RELCH: variants seen among roughly 807,000 people sequenced by gnomAD.
The protein encoded by RELCH is RAB11 binding and LisH domain, coiled-coil and HEAT repeat containing.
In RELCH, 41 loss-of-function variants were observed where a neutral mutation model predicts 150.3. The ratio of observed to expected loss-of-function variants is 0.27; its 90% CI spans 0.21 to 0.35. The LOEUF is 0.35. Among genes scored for constraint, RELCH ranks in the 10% least tolerant of loss-of-function variants. RELCH has a pLI of 1.00. For synonymous variants in RELCH, 478 were observed against 531.8 expected, an observed-to-expected ratio of 0.90 and a Z score of 1.39; for missense variants, 1,092 against 1,467.8, an observed-to-expected ratio of 0.74 and a Z score of 4.18.
chr18:62,298,853 C>T lies in RELCH; in HGVS notation c.3523C>T (p.Pro1175Ser). 6.4e-7 allele frequency: 1 copy of T among 1,562,912 alleles called. No homozygotes were observed. Residue 1175 changes from proline (P) to serine (S), a missense_variant, in exon 28 of 29, where the codon CCT (proline) becomes TCT (serine). Transcript: ENST00000644646. ...QKVENKTVQE[P>S]QGSMSIAASL... ...AGTTGAAAACAAGACCGTCCAAGAG[C>T]CTCAAGGGTAAGACATTAATTCTTT...
At chr18:62,203,176 A>G (rs1310354194) in intron 1 of RELCH, among the ~76,000 whole-genome samples, 1 of 152,152 alleles carries the variant, frequency 6.6e-6, no homozygotes. Context: ...GAAAGAATGT[A>G]GCTGGACATG....
At chr18:62,199,257 G>T (rs1020161977) in intron 1 of RELCH, among the ~76,000 whole-genome samples, 4 of 151,428 alleles carry the variant, frequency 2.6e-5, no homozygotes, top group African/African-American at 9.7e-5. Flanking sequence ...TACTTGAGGG[G>T]TTTTTTTGGC....
chr18:62,195,278 CTCTG>C (rs1236427796), intron 1 of RELCH, among the ~76,000 whole-genome samples: 1 of 113,162 alleles, frequency 8.8e-6, no homozygotes, highest in Non-Finnish European at 1.9e-5. Flanking sequence ...TATACACACA[CTCTG>C]TGTGTGTGTG....
At chr18:62,243,167 C>G (rs1372982504) in intron 10 of RELCH, among the ~76,000 whole-genome samples, 4 of 152,072 alleles carry the variant, frequency 2.6e-5, no homozygotes, top group African/African-American at 7.2e-5. Flanking sequence ...TCATTAGTAT[C>G]ATTGCCTCTC....
chr18:62,212,903 G>GA (rs1243776339), intron 2 of RELCH, among the ~76,000 whole-genome samples: 1 of 151,800 alleles, frequency 6.6e-6, no homozygotes, highest in South Asian at 2.1e-4. Context: ...ATATGAGTTA[G>GA]AAAAAAAATG....
chr18:62,278,777 A>G (rs1278466460), intron 22 of RELCH, among the ~76,000 whole-genome samples: 1 of 152,164 alleles, frequency 6.6e-6, no homozygotes, highest in Non-Finnish European at 1.5e-5. Context: ...CTTGTATTGC[A>G]ATTTAGCATT....
chr18:62,290,504 C>A (rs1032925953), intron 26 of RELCH, among the ~76,000 whole-genome samples: 18 of 152,118 alleles, frequency 1.2e-4, no homozygotes, highest in Non-Finnish European at 2.4e-4. Flanking sequence ...GCACTCCAGC[C>A]TGCGTGAGAA....
chr18:62,295,321 T>TC (rs1409530175), intron 27 of RELCH, among the ~76,000 whole-genome samples: 1 of 150,970 alleles, frequency 6.6e-6, no homozygotes, highest in East Asian at 1.9e-4. Flanking sequence ...CTGGTGTGTT[T>TC]TTTTTTTTTT....
intron 26 of RELCH, among the ~76,000 whole-genome samples, chr18:62,288,882 T>C (rs750023778): frequency 5.3e-5 from 8 of 152,162 alleles, no homozygotes; most frequent in Non-Finnish European, 7.4e-5. Context: ...CAGTGGTGCA[T>C]CGCAGAGTTT....
intron 1 of RELCH, among the ~76,000 whole-genome samples, chr18:62,201,506 A>T (rs2039443290): frequency 6.6e-6 from 1 of 152,070 alleles, no homozygotes; most frequent in African/African-American, 2.4e-5. Context: ...GGATACTTTC[A>T]TGATTTTTAA....
intron 20 of RELCH, among the ~76,000 whole-genome samples, chr18:62,271,643 T>C (rs998932548): frequency 1.3e-5 from 2 of 152,218 alleles, no homozygotes; most frequent in African/African-American, 4.8e-5. Context: ...TTTGGTGTTT[T>C]AGTCATGAAG....
chr18:62,280,044 C>T (rs2044421187), intron 23 of RELCH, among the ~76,000 whole-genome samples, 188 bp downstream of exon 23: 1 of 152,060 alleles, frequency 6.6e-6, no homozygotes, highest in Non-Finnish European at 1.5e-5. Context: ...CAACCCTCAC[C>T]ATAAGTGTAA....
At chr18:62,289,084 G>A (rs2044971978) in intron 26 of RELCH, among the ~76,000 whole-genome samples, 1 of 152,154 alleles carries the variant, frequency 6.6e-6, no homozygotes, top group East Asian at 1.9e-4. Context: ...AGTAGGGAAG[G>A]CAGTGGTTTC....
chr18:62,190,101 C>T (rs2038512026), intron 1 of RELCH, among the ~76,000 whole-genome samples: 1 of 152,130 alleles, frequency 6.6e-6, no homozygotes, highest in Non-Finnish European at 1.5e-5. Context: ...GTTGCCTTAC[C>T]TGTCTTTTCT....
At chr18:62,299,699 TTTATAGAGG>T (rs2045581789) in intron 28 of RELCH, among the ~76,000 whole-genome samples, 1 of 152,188 alleles carries the variant, frequency 6.6e-6, no homozygotes, top group African/African-American at 2.4e-5. Context: ...TTAGTGGTTT[TTTATAGAGG>T]TTTTTTACAG....
At chr18:62,261,178 A>G (rs1027086214) in intron 15 of RELCH, among the ~76,000 whole-genome samples, 8 of 151,994 alleles carry the variant, frequency 5.3e-5, no homozygotes, top group Non-Finnish European at 7.4e-5. Context: ...TTATTTATGT[A>G]TCAATTCTAA....
At chr18:62,287,686 T>C (rs796353860) in intron 26 of RELCH, among the ~76,000 whole-genome samples, 3 of 152,306 alleles carry the variant, frequency 2.0e-5, no homozygotes, top group African/African-American at 7.2e-5. Flanking sequence ...TTCTATAGTT[T>C]TGAGAATTTT....
chr18:62,223,575 A>G (rs2041017322), intron 5 of RELCH, among the ~76,000 whole-genome samples: 2 of 152,114 alleles, frequency 1.3e-5, no homozygotes, highest in Admixed American at 1.3e-4. Flanking sequence ...AAACTCATTC[A>G]ATGAGACCAG....
chr18:62,241,420 A>G (rs1489551921), intron 10 of RELCH, among the ~76,000 whole-genome samples: 2 of 152,146 alleles, frequency 1.3e-5, no homozygotes, highest in South Asian at 4.1e-4. Flanking sequence ...GTCTCTTAAT[A>G]AAAAGAAAGA....
Sources: gnomAD v4.1 joint callset for allele counts (sites outside exome capture counted in the v4.1 genomes callset) on GRCh38, gnomAD v4.1.1 for gene constraint, MANE v1.5 for transcripts, NCBI Gene and HGNC (gene_info 2026-07-23, HGNC 2026-07-21) for gene names.